THOC5: variants seen among roughly 807,000 people sequenced by gnomAD.
THOC5 encodes the protein THO complex subunit 5, also known as Fms-interacting protein.
A neutral mutation model predicts 92.9 loss-of-function variants in THOC5; 43 were observed. The ratio of observed to expected loss-of-function variants is 0.46; its 90% confidence interval spans 0.36 to 0.60. The LOEUF is 0.60. Ranked by LOEUF, THOC5 falls within the 20% of genes least tolerant of loss-of-function variation. The probability of loss-of-function intolerance (pLI) is 0.00; values close to 1 mark genes in which losing one functional copy is unlikely to be tolerated. For missense variants in THOC5, 659 were observed against 849.4 expected (o/e 0.78, Z 2.79); for synonymous variants, 296 against 320.1 (o/e 0.92, Z 0.80).
chr22:29,526,033 G>T, intron 11 of THOC5, 87 bp from the exon 12 acceptor site: 4 of 515,566 alleles, frequency 7.8e-6, no homozygotes, highest in Non-Finnish European at 7.3e-6. Context: ...AGGTGGGGGG[G>T]TCAAGTGTTG....
intron 14 of THOC5, 32 bp from the exon 15 acceptor site, chr22:29,519,152 G>T: frequency 6.8e-7 from 1 of 1,477,102 alleles, no homozygotes; most frequent in Non-Finnish European, 9.4e-7. Context: ...ATACACGTGT[G>T]CTCCCCCATC....
chr22:29,525,745 A>C (rs1265065690), intron 12 of THOC5, 93 bp downstream of exon 12: 1 of 982,408 alleles, frequency 1.0e-6, no homozygotes, highest in African/African-American at 1.6e-5. Context: ...AGCCCTCTCC[A>C]GAGCCAGAGG....
At chr22:29,509,127 C>G (rs1211114185) in intron 19 of THOC5, among the ~76,000 whole-genome samples, 2 of 151,858 alleles carry the variant, frequency 1.3e-5, no homozygotes. Flanking sequence ...TGAAGGAGCA[C>G]CTTCCCAGAA....
At chr22:29,529,569 C>A (rs2063612921) in intron 8 of THOC5, among the ~76,000 whole-genome samples, 1 of 152,186 alleles carries the variant, frequency 6.6e-6, no homozygotes, top group South Asian at 2.1e-4. Context: ...AACTCCTCTG[C>A]CAGTTGTCTT....
chr22:29,532,464 G>GAC (rs2063674626), intron 7 of THOC5, among the ~76,000 whole-genome samples: 1 of 151,918 alleles, frequency 6.6e-6, no homozygotes, highest in Non-Finnish European at 1.5e-5. Flanking sequence ...GGGAGATCAA[G>GAC]ACCAGCCTGA....
At chr22:29,516,335 G>A (rs140087200) in intron 17 of THOC5, among the ~76,000 whole-genome samples, 3 of 152,218 alleles carry the variant, frequency 2.0e-5, no homozygotes, top group African/African-American at 7.2e-5. Flanking sequence ...AAGAAAGTGG[G>A]GTAGTGAGGA....
At chr22:29,525,597 A>G (rs1161011148) in intron 12 of THOC5, among the ~76,000 whole-genome samples, 1 of 152,218 alleles carries the variant, frequency 6.6e-6, no homozygotes, top group East Asian at 1.9e-4. Flanking sequence ...TCAATTTGCA[A>G]ATATGCTGTT....
At chr22:29,536,541 C>T (rs908368555) in intron 7 of THOC5, 83 bp downstream of exon 7, 2 of 816,192 alleles carry the variant, frequency 2.5e-6, no homozygotes, top group African/African-American at 3.4e-5. Flanking sequence ...GGGTAATAGA[C>T]CTGGCAAAGC....
At position 29,508,490 on chromosome 22, in the gene THOC5, G is replaced by A. The variant is rs199857074; in HGVS notation, c.2019C>T (p.Tyr673=). 3 of 1,614,216 alleles carry A rather than the reference G, an allele frequency of 1.9e-6. No homozygotes were observed. The highest frequency in any genetic ancestry group is 1.7e-5 in the Admixed American group (1 of 60,028). ...GGCTGAAGAATCCCTGAGGATGGTT[G>A]TATTTAAATGGCTTCATCCTGCTAG... The part of the protein sequence containing the change: ...RGPSRMKPFK[Y]NHPQGFFSHR The change falls in exon 20 of 20, where the codon TAC becomes TAT. Residue 673 remains tyrosine (Y), a synonymous_variant. Transcript: ENST00000490103.
chr22:29,516,098 G>A (rs1352352050), intron 17 of THOC5, among the ~76,000 whole-genome samples: 13 of 149,788 alleles, frequency 8.7e-5, no homozygotes, highest in Admixed American at 7.4e-4. Context: ...AGCTATGATC[G>A]TGCCACTGCA....
chr22:29,536,211 T>G (rs2063756862), intron 7 of THOC5: 1 of 163,794 alleles, frequency 6.1e-6, no homozygotes, highest in African/African-American at 2.4e-5. Context: ...CTCTTCCTCA[T>G]GAGTAAAGTT....
intron 7 of THOC5, 115 bp from the exon 8 acceptor site, chr22:29,532,078 T>G: frequency 8.0e-7 from 1 of 1,250,238 alleles, no homozygotes; most frequent in Non-Finnish European, 1.1e-6. Flanking sequence ...GATAAACTAA[T>G]AGAACTAATA....
intron 3 of THOC5, 72 bp downstream of exon 3, chr22:29,544,388 C>A: frequency 6.6e-7 from 1 of 1,515,916 alleles, no homozygotes; most frequent in Middle Eastern, 2.5e-4. Flanking sequence ...CAGGAAGGGC[C>A]CTGGTAGGTG....
chr22:29,539,526 G>T, intron 5 of THOC5, 50 bp from the exon 6 acceptor site: 4 of 1,587,500 alleles, frequency 2.5e-6, no homozygotes, highest in Non-Finnish European at 2.6e-6. Context: ...AAACTAAACT[G>T]TAGTTTAAGC....
In THOC5 at chr22:29,529,149, A is replaced by G. The variant is rs770250147; in HGVS notation, c.925+13T>C. The G allele has an allele frequency of 6.2e-7, 1 of 1,614,062 alleles. No individual in the cohort carries two copies. The highest frequency in any genetic ancestry group is 1.1e-5 in the South Asian group (1 of 91,076). On this transcript the variant is annotated intron_variant, in intron 9 of 19. Transcript: ENST00000490103. Reference sequence around the variant, plus strand: ...TGGTGTCCCTGGGGGACGAATCCCAACCACCACATTACCTTGGGAGTCCTC... The same window carrying G: ...TGGTGTCCCTGGGGGACGAATCCCAGCCACCACATTACCTTGGGAGTCCTC...
At chr22:29,530,541 T>C (rs753147792) in intron 8 of THOC5, among the ~76,000 whole-genome samples, 1 of 152,104 alleles carries the variant, frequency 6.6e-6, no homozygotes, top group Non-Finnish European at 1.5e-5. Flanking sequence ...TTTTTTTTAA[T>C]ACTCACAACA....
chr22:29,544,331 C>T, intron 3 of THOC5, 129 bp downstream of exon 3: 1 of 932,744 alleles, frequency 1.1e-6, no homozygotes, highest in Non-Finnish European at 1.5e-6. Context: ...TTTTGGGAGC[C>T]CTCAGGCTCC....
chr22:29,509,275 CAAAAAAAA>C (rs59981269), intron 19 of THOC5, among the ~76,000 whole-genome samples: 1 of 70,928 alleles, frequency 1.4e-5, no homozygotes, highest in Non-Finnish European at 2.9e-5. Context: ...GACTCTGTCT[CAAAAAAAA>C]AAAAAAAAAG....
intron 15 of THOC5, 30 bp from the exon 16 acceptor site, chr22:29,517,396 A>G: frequency 6.2e-7 from 1 of 1,601,088 alleles, no homozygotes. Flanking sequence ...ATGACGTCAC[A>G]GGTAGAAATC....
Sources: gnomAD v4.1 joint callset for allele counts (sites outside exome capture counted in the v4.1 genomes callset) on GRCh38, gnomAD v4.1.1 for gene constraint, MANE v1.5 for transcripts, NCBI Gene and HGNC (gene_info 2026-07-23, HGNC 2026-07-21) for gene names.